The following ZNG1B variants were observed in gnomAD, a reference collection of about 807,000 sequenced individuals.
ZNG1B encodes the protein zinc-regulated GTPase metalloprotein activator 1B.
the ZNG1B span, among the ~76,000 whole-genome samples, chr2:113,479,159 T>C: frequency 7.0e-6 from 1 of 142,034 alleles, no homozygotes; most frequent in Non-Finnish European, 1.5e-5. Flanking sequence ...CTAAAAATTC[T>C]TATAAATTGT....
At chr2:113,461,099 AC>A in the ZNG1B span, among the ~76,000 whole-genome samples, 2 of 149,682 alleles carry the variant, frequency 1.3e-5, no homozygotes, top group Non-Finnish European at 3.0e-5. Context: ...TCACTCTGTC[AC>A]CCAGGCTGAA....
chr2:113,481,387 A>G, the ZNG1B span: 1 of 151,560 alleles, frequency 6.6e-6, no homozygotes, highest in African/African-American at 2.4e-5. Context: ...CATTCTCCCT[A>G]CTAGGACCCC....
At chr2:113,446,582 A>G in the ZNG1B span, among the ~76,000 whole-genome samples, 2 of 151,418 alleles carry the variant, frequency 1.3e-5, no homozygotes, top group Admixed American at 6.6e-5. Context: ...TCCAGTCTCT[A>G]CTGAAAATTC....
the ZNG1B span, among the ~76,000 whole-genome samples, chr2:113,456,269 T>C: frequency 6.6e-6 from 1 of 152,208 alleles, no homozygotes; most frequent in South Asian, 2.1e-4. Context: ...TATTACAGTT[T>C]CACGCAGAAA....
the ZNG1B span, chr2:113,439,017 C>T: frequency 1.5e-6 from 2 of 1,305,348 alleles, no homozygotes; most frequent in Admixed American, 2.2e-5. Flanking sequence ...CGTTTCCCCA[C>T]AGTTATTCAG....
the ZNG1B span, among the ~76,000 whole-genome samples, chr2:113,442,789 G>A: frequency 1.3e-5 from 2 of 151,990 alleles, no homozygotes; most frequent in Non-Finnish European, 2.9e-5. Flanking sequence ...AAAACTACTC[G>A]ATTTTATGGG....
the ZNG1B span, chr2:113,437,729 C>T: frequency 5.3e-6 from 8 of 1,521,616 alleles, no homozygotes; most frequent in South Asian, 7.3e-5. Context: ...CCAGGTAATC[C>T]GGGCGGGATC....
the ZNG1B span, among the ~76,000 whole-genome samples, chr2:113,485,415 G>A: frequency 7.0e-6 from 1 of 142,248 alleles, no homozygotes; most frequent in Non-Finnish European, 1.5e-5. Flanking sequence ...GACCATGCGG[G>A]AAGATACTGT....
chr2:113,438,615 G>A, the ZNG1B span, among the ~76,000 whole-genome samples: 8,289 of 151,590 alleles, frequency 0.055, 753 homozygotes, highest in African/African-American at 0.19. Flanking sequence ...CTCAAACTAA[G>A]AACGTTTAGA....
At chr2:113,476,828 T>A in the ZNG1B span, among the ~76,000 whole-genome samples, 1 of 152,200 alleles carries the variant, frequency 6.6e-6, no homozygotes, top group Non-Finnish European at 1.5e-5. Context: ...GTTAGGCTGC[T>A]CGGGGGTCAG....
At chr2:113,495,344 C>T in the ZNG1B span, 41 of 1,463,318 alleles carry the variant, frequency 2.8e-5, 8 homozygotes, top group South Asian at 4.9e-4. Flanking sequence ...CATTCAGGTC[C>T]TCTTTTAAAA....
At chr2:113,441,545 G>A in the ZNG1B span, 1 of 1,446,242 alleles carries the variant, frequency 6.9e-7, no homozygotes, top group Non-Finnish European at 9.6e-7. Context: ...GTATTGTATT[G>A]ATGTGGATAG....
chr2:113,484,263 G>A, the ZNG1B span, among the ~76,000 whole-genome samples: 160 of 145,730 alleles, frequency 1.1e-3, no homozygotes, highest in Non-Finnish European at 1.6e-3. Context: ...ATAATAAACT[G>A]GGAAGAACTT....
the ZNG1B span, among the ~76,000 whole-genome samples, chr2:113,488,467 C>A: frequency 1.3e-5 from 2 of 151,972 alleles, no homozygotes; most frequent in African/African-American, 4.8e-5. Context: ...TTCTTTAACA[C>A]CCCCCAAAAA....
chr2:113,454,508 A>G, the ZNG1B span, among the ~76,000 whole-genome samples: 14 of 150,256 alleles, frequency 9.3e-5, no homozygotes, highest in African/African-American at 2.7e-4. Context: ...TATTTGTTTT[A>G]TATCTTCTCT....
the ZNG1B span, among the ~76,000 whole-genome samples, chr2:113,472,143 CTGT>C: frequency 6.6e-6 from 1 of 150,432 alleles, no homozygotes; most frequent in African/African-American, 2.5e-5. Flanking sequence ...TCTCCAGCAC[CTGT>C]TGTTTCCTGA....
the ZNG1B span, chr2:113,465,236 A>G: frequency 2.2e-6 from 1 of 458,044 alleles, no homozygotes; most frequent in Non-Finnish European, 3.9e-6. Context: ...ATAAACATTA[A>G]ATAATTGACA....
chr2:113,461,195 C>T, the ZNG1B span, among the ~76,000 whole-genome samples: 2 of 150,670 alleles, frequency 1.3e-5, no homozygotes, highest in Non-Finnish European at 3.0e-5. Context: ...TACAGGCACC[C>T]GCCACCATGC....
At chr2:113,460,419 T>C in the ZNG1B span, among the ~76,000 whole-genome samples, 1 of 152,132 alleles carries the variant, frequency 6.6e-6, no homozygotes, top group African/African-American at 2.4e-5. Context: ...AAAGAAAAGG[T>C]CAGGAGTATG....
Sources: gnomAD v4.1 joint callset for allele counts (sites outside exome capture counted in the v4.1 genomes callset) on GRCh38, gnomAD v4.1.1 for gene constraint, MANE v1.5 for transcripts, NCBI Gene and HGNC (gene_info 2026-07-23, HGNC 2026-07-21) for gene names.